The following TAMM41 variants were observed in gnomAD, a reference collection of about 807,000 sequenced individuals.
TAMM41 encodes phosphatidate cytidylyltransferase, mitochondrial.
TAMM41 carries 36 observed loss-of-function variants against 44.1 expected under a neutral mutation model. That is an observed-to-expected ratio of 0.82 (90% confidence interval 0.63 to 1.08). TAMM41 has a LOEUF of 1.08. Ranked by LOEUF, TAMM41 falls within the 50% of genes least tolerant of loss-of-function variation. TAMM41 has a pLI of 0.00. For synonymous variants in TAMM41, 164 were observed against 153.1 expected, an observed-to-expected ratio of 1.07 and a Z score of -0.53; for missense variants, 417 against 404.3, an observed-to-expected ratio of 1.03 and a Z score of -0.27.
chr3:11,801,541 GT>G, intron 7 of TAMM41, among the ~76,000 whole-genome samples: 1 of 152,014 alleles, frequency 6.6e-6, no homozygotes, highest in Non-Finnish European at 1.5e-5. Flanking sequence ...GCCCAGGCTG[GT>G]TTCAAACTCC....
At chr3:11,751,050 G>A in the TAMM41 span, among the ~76,000 whole-genome samples, 1 of 151,442 alleles carries the variant, frequency 6.6e-6, no homozygotes, top group African/African-American at 2.4e-5. Flanking sequence ...AATGCCCGGA[G>A]GAAGAGGAGG....
At chr3:11,764,334 C>T in the TAMM41 span, among the ~76,000 whole-genome samples, 3 of 151,714 alleles carry the variant, frequency 2.0e-5, no homozygotes, top group African/African-American at 7.3e-5. Context: ...GCTGTGTGTG[C>T]CTGGGGTCAG....
In TAMM41 at chr3:11,838,839, C is replaced by T. The variant is rs535269117; in HGVS notation, c.411+383G>A. 1.3e-4 allele frequency among the ~76,000 whole-genome samples: 20 copies of T among 151,904 alleles called. No individual in the cohort carries two copies. The South Asian group carries it at 2.9e-3, about 22-fold the overall frequency. ...CTGAAAGGTCCAGCCTCTTATCACACGGCTGGCTCCCTGGCAACCAGCCCT... is the reference window on the plus strand; with the variant it reads ...CTGAAAGGTCCAGCCTCTTATCACATGGCTGGCTCCCTGGCAACCAGCCCT... On this transcript the variant is annotated intron_variant, in intron 3 of 7. Coordinates refer to ENST00000455809, the MANE Select transcript of TAMM41 (RefSeq NM_001284401.2).
At chr3:11,741,388 GA>G in the TAMM41 span, among the ~76,000 whole-genome samples, 87 of 149,254 alleles carry the variant, frequency 5.8e-4, 2 homozygotes, top group Non-Finnish European at 8.5e-4. Context: ...TCCCATTCAT[GA>G]AAGTGGACTC....
At chr3:11,755,327 C>A in the TAMM41 span, among the ~76,000 whole-genome samples, 1 of 152,122 alleles carries the variant, frequency 6.6e-6, no homozygotes, top group Middle Eastern at 3.4e-3. Flanking sequence ...GACCCTCTCA[C>A]AAGGGACCCA....
chr3:11,801,644 A>C (rs995580466), intron 7 of TAMM41, among the ~76,000 whole-genome samples: 3 of 152,116 alleles, frequency 2.0e-5, no homozygotes, highest in African/African-American at 4.8e-5. Context: ...TTTTGGAAAC[A>C]AATAAAAATG....
chr3:11,772,237 ATTTT>A, the TAMM41 span, among the ~76,000 whole-genome samples: 4 of 136,380 alleles, frequency 2.9e-5, no homozygotes, highest in Non-Finnish European at 4.7e-5. Context: ...CAGCTGGCTA[ATTTT>A]TTTTTTTTTT....
the TAMM41 span, among the ~76,000 whole-genome samples, chr3:11,743,999 C>T: frequency 6.6e-6 from 1 of 152,172 alleles, no homozygotes; most frequent in Non-Finnish European, 1.5e-5. Flanking sequence ...ATAGCCAGTG[C>T]TATTATGGTT....
intron 3 of TAMM41, among the ~76,000 whole-genome samples, chr3:11,831,767 G>C (rs2078990289): frequency 6.6e-6 from 1 of 152,084 alleles, no homozygotes; most frequent in South Asian, 2.1e-4. Context: ...TATAAATCAG[G>C]CTTCAGAATC....
chr3:11,738,636 C>A, the TAMM41 span, among the ~76,000 whole-genome samples: 1 of 152,154 alleles, frequency 6.6e-6, no homozygotes, highest in African/African-American at 2.4e-5. Flanking sequence ...TGTAGACAAT[C>A]ACTCCATTCC....
intron 7 of TAMM41, among the ~76,000 whole-genome samples, chr3:11,803,701 C>G (rs1441905739): frequency 2.6e-5 from 4 of 152,150 alleles, no homozygotes; most frequent in African/African-American, 9.7e-5. Context: ...GACTGGATAA[C>G]AAAAATGTGT....
At chr3:11,808,405 G>C (rs2077984118) in intron 6 of TAMM41, 2 of 990,588 alleles carry the variant, frequency 2.0e-6, no homozygotes, top group Non-Finnish European at 2.4e-6. Flanking sequence ...GCCTCGTACA[G>C]AGCTATCTTC....
the TAMM41 span, among the ~76,000 whole-genome samples, chr3:11,749,771 G>A: frequency 1.3e-5 from 2 of 152,182 alleles, no homozygotes; most frequent in African/African-American, 4.8e-5. Flanking sequence ...TCTCATGTTG[G>A]CTTCTAGGGA....
intron 2 of TAMM41, among the ~76,000 whole-genome samples, chr3:11,842,420 C>A (rs56372785): frequency 0.012 from 1,798 of 146,374 alleles, 37 homozygotes; most frequent in African/African-American, 0.037. Context: ...AAAAGCAGAA[C>A]CTTGGTGGGG....
At chr3:11,840,598 G>A (rs967284786) in intron 2 of TAMM41, among the ~76,000 whole-genome samples, 15 of 151,736 alleles carry the variant, frequency 9.9e-5, no homozygotes, top group Non-Finnish European at 1.9e-4. Flanking sequence ...GCGACAGGCA[G>A]GAAGAACCCA....
At chr3:11,820,737 T>C (rs2078487140) in intron 4 of TAMM41, among the ~76,000 whole-genome samples, 1 of 152,226 alleles carries the variant, frequency 6.6e-6, no homozygotes, top group African/African-American at 2.4e-5. Flanking sequence ...TTGGGAGATT[T>C]GTTTTCAACA....
At chr3:11,772,071 CT>C in the TAMM41 span, among the ~76,000 whole-genome samples, 3 of 147,534 alleles carry the variant, frequency 2.0e-5, no homozygotes, top group Non-Finnish European at 3.0e-5. Flanking sequence ...TTTTCTTTTT[CT>C]TTTTTTCTTT....
intron 6 of TAMM41, 179 bp downstream of exon 6, chr3:11,809,338 C>G (rs2078016236): frequency 1.5e-6 from 1 of 659,968 alleles, no homozygotes; most frequent in African/African-American, 1.8e-5. Context: ...CACCATCTTA[C>G]TTCAAACAAA....
chr3:11,822,621 A>G (rs1460104061), intron 4 of TAMM41, among the ~76,000 whole-genome samples: 7 of 152,218 alleles, frequency 4.6e-5, no homozygotes, highest in Admixed American at 4.6e-4. Flanking sequence ...TATTCTGGAC[A>G]TTTTATACAC....
Sources: allele counts gnomAD v4.1 joint callset (sites outside exome capture counted in the v4.1 genomes callset), GRCh38; gene constraint gnomAD v4.1.1; transcripts MANE v1.5; gene names NCBI Gene and HGNC (gene_info 2026-07-23, HGNC 2026-07-21).